Variants in POGLUT3 observed in about 807,000 individuals in gnomAD.
POGLUT3 encodes the protein protein O-glucosyltransferase 3.
POGLUT3 carries 48 observed loss-of-function variants against 54.3 expected under a neutral mutation model. That is an observed-to-expected ratio of 0.88 (90% CI 0.70 to 1.12). The LOEUF is 1.12. Among genes scored for constraint, POGLUT3 ranks in the 50% most tolerant of loss-of-function variants. The pLI, the probability that POGLUT3 is intolerant of heterozygous loss-of-function variation, is 0.00. For synonymous variants in POGLUT3, 218 were observed against 237.4 expected (o/e 0.92, Z 0.75); for missense variants, 629 against 618.7 (o/e 1.02, Z -0.18).
At position 108,474,798 on chromosome 11, in the gene POGLUT3, G is replaced by C. The variant is rs777352252; in HGVS notation, c.*29C>G. On this transcript the variant is annotated 3_prime_UTR_variant, in exon 8 of 8. Transcript: ENST00000323468. ...CAATCTTTCCTTAAAGTGTAGCCGG[G>C]ATACACAGGAGTGTGATTCTGGGCT... 1.2e-6 allele frequency: 2 copies of C among 1,613,100 alleles called. No homozygotes were observed. The highest frequency in any genetic ancestry group is 1.7e-6 in the Non-Finnish European group (2 of 1,179,436).
intron 1 of POGLUT3, chr11:108,491,601 T>G: frequency 5.3e-6 from 1 of 188,656 alleles, no homozygotes; most frequent in Non-Finnish European, 1.1e-5. Context: ...TTGCCCAGGC[T>G]GATCTCAAAC....
chr11:108,490,188 A>C (rs986516486), intron 2 of POGLUT3, among the ~76,000 whole-genome samples: 1 of 152,042 alleles, frequency 6.6e-6, no homozygotes, highest in African/African-American at 2.4e-5. Flanking sequence ...CTAGCCCAGC[A>C]GTTTAAGGTT....
rs755305549 is a variant in POGLUT3, at chr11:108,481,656, C to T, written c.902-280G>A. Among the ~76,000 whole-genome samples, 3 of 152,160 alleles carry T rather than the reference C, an allele frequency of 2.0e-5. No homozygotes were observed. The South Asian group carries it at 6.2e-4, about 32-fold the overall frequency. On this transcript the variant is annotated intron_variant, in intron 4 of 7. Transcript: ENST00000323468. ...CCATTTGTCTGCTAGTGAAAGCTCA[C>T]GCAAGTATTCGTGTATTCTGTTGTA... is the stretch of plus-strand genomic sequence containing the variant.
At chr11:108,476,018 T>A (rs1358050268) in intron 7 of POGLUT3, among the ~76,000 whole-genome samples, 4 of 151,992 alleles carry the variant, frequency 2.6e-5, no homozygotes, top group Non-Finnish European at 5.9e-5. Flanking sequence ...GGTGGTGTAG[T>A]CCCAGCTACT....
rs764000737 is a variant in POGLUT3, at chr11:108,491,102, G to T, written c.268C>A (p.Pro90Thr). Residue 90 changes from proline (P) to threonine (T), a missense_variant, in exon 2 of 8, where the codon CCT becomes ACT. Coordinates refer to ENST00000323468, the MANE Select transcript of POGLUT3 (RefSeq NM_153705.5). ...CCATCATTCCTGTCCAAAGGTTTAG[G>T]GACATGTATCCGGACCAACTCTTTA... ...SPKELVRIHVPKPLDRNDGTF... is the reference protein window; with the variant it reads ...SPKELVRIHVTKPLDRNDGTF... The T allele has an allele frequency of 6.8e-6, 11 of 1,613,900 alleles. No homozygotes were observed.
At chr11:108,481,428 T>C in intron 4 of POGLUT3, 52 bp from the exon 5 acceptor site, 2 of 1,403,826 alleles carry the variant, frequency 1.4e-6, no homozygotes, top group Non-Finnish European at 1.9e-6. Context: ...GACATTTTAA[T>C]ATGGCAAGCA....
rs2093612491 is a variant in POGLUT3 at position 108,491,121 on chromosome 11, C to T, written c.249G>A (p.Glu83=). 6.2e-7 allele frequency: 1 copy of T among 1,614,092 alleles called. No homozygotes were observed. The highest frequency in any genetic ancestry group is 2.2e-5 in the East Asian group (1 of 44,866). The change falls in exon 2 of 8, where the codon GAG becomes GAA. Residue 83 remains glutamate, a synonymous_variant. Coordinates refer to ENST00000323468, the MANE Select transcript of POGLUT3 (RefSeq NM_153705.5). ...GTTTAGGGACATGTATCCGGACCAA[C>T]TCTTTAGGTGAAAGAGATTTGACTA... ...KVVVKSLSPK[E]LVRIHVPKPL... is the part of the protein sequence containing the mutation.
chr11:108,498,348 C>G lies in POGLUT3; in HGVS notation c.19G>C (p.Ala7Pro). The change falls in exon 1 of 8, where the codon GCC (alanine) becomes CCC (proline). Residue 7 changes from alanine to proline, a missense_variant. Ala to Pro is a conservative substitution (Grantham distance 27). Transcript: ENST00000323468. Reference protein sequence around the residue: MRRLPRALLLQLRLALL... With the variant: MRRLPRPLLLQLRLALL... Reference sequence around the variant, plus strand: ...GCGAGGCGCAGCTGCAGCAGCAGGGCCCGCGGGAGGCGGCGCATGGTCGGC... The same window carrying G: ...GCGAGGCGCAGCTGCAGCAGCAGGGGCCGCGGGAGGCGGCGCATGGTCGGC... 1 of 1,331,052 alleles carries G rather than the reference C, an allele frequency of 7.5e-7. No individual in the cohort carries two copies. Among genetic ancestry groups the G allele is most frequent in the Non-Finnish European group, 9.6e-7 (1 of 1,043,860 alleles). 82.5% of individuals were successfully genotyped at this position (1,331,052 alleles called of 1,614,324 possible).
chr11:108,496,311 G>C (rs1034156702), intron 1 of POGLUT3, among the ~76,000 whole-genome samples: 5 of 148,722 alleles, frequency 3.4e-5, no homozygotes, highest in South Asian at 2.1e-4. Context: ...CAAAGACCTT[G>C]TCTCTTAAAA....
rs188614910 is a variant in POGLUT3, at chr11:108,479,714, A to G, written c.1099-219T>C. On this transcript the variant is annotated intron_variant, in intron 5 of 7. Transcript: ENST00000323468. The stretch of plus-strand genomic sequence containing the variant: ...TTTAAGAAATACATTGTTTAAAGGT[A>G]AGGTGCTAAATTTTTGGAAATAGGA... Among the ~76,000 whole-genome samples, 45 of 152,310 alleles carry G rather than the reference A, an allele frequency of 3.0e-4. No individual in the cohort carries two copies. In the East Asian group the frequency reaches 6.4e-3, roughly 22 times the overall value.
intron 7 of POGLUT3, among the ~76,000 whole-genome samples, chr11:108,475,555 C>T (rs1490081093): frequency 6.8e-6 from 1 of 147,126 alleles, no homozygotes; most frequent in East Asian, 2.0e-4. Flanking sequence ...CAGCCTCCAA[C>T]ATCCTAGGCT....
At chr11:108,490,207 C>CT (rs1294486337) in intron 2 of POGLUT3, among the ~76,000 whole-genome samples, 5 of 151,768 alleles carry the variant, frequency 3.3e-5, no homozygotes, top group Admixed American at 2.0e-4. Flanking sequence ...TTGCAGTGAG[C>CT]TTTTTTTTGA....
chr11:108,481,523 A>T, intron 4 of POGLUT3, 147 bp from the exon 5 acceptor site: 1 of 588,478 alleles, frequency 1.7e-6, no homozygotes, highest in Non-Finnish European at 2.7e-6. Context: ...TATTTCAACG[A>T]AAATATGGGA....
At chr11:108,491,936 T>C (rs1177731711) in intron 1 of POGLUT3, among the ~76,000 whole-genome samples, 1 of 152,174 alleles carries the variant, frequency 6.6e-6, no homozygotes, top group African/African-American at 2.4e-5. Context: ...CAAGCTTTCT[T>C]TGTATACCAT....
intron 3 of POGLUT3, among the ~76,000 whole-genome samples, chr11:108,483,793 C>T (rs1426461019): frequency 6.6e-6 from 1 of 152,098 alleles, no homozygotes; most frequent in Non-Finnish European, 1.5e-5. Context: ...CTCAGCCTCC[C>T]AAGTAGCTGA....
At chr11:108,485,323 G>A (rs116379217) in intron 3 of POGLUT3, among the ~76,000 whole-genome samples, 1,706 of 152,182 alleles carry the variant, frequency 0.011, 33 homozygotes, top group African/African-American at 0.039. Flanking sequence ...AGTATTCAGC[G>A]GAACAGAGAA....
intron 5 of POGLUT3, among the ~76,000 whole-genome samples, chr11:108,480,932 A>T (rs2093591134): frequency 6.6e-6 from 1 of 152,172 alleles, no homozygotes; most frequent in South Asian, 2.1e-4. Flanking sequence ...ACATAAATAT[A>T]CCAAAATCCC....
At position 108,479,429 on chromosome 11, in the gene POGLUT3, C is replaced by T. The variant is rs759283361; in HGVS notation, c.1165G>A (p.Asp389Asn). The T allele has an allele frequency of 3.1e-6, 5 of 1,613,370 alleles. No homozygotes were observed. The highest frequency in any genetic ancestry group is 2.2e-5 in the East Asian group (1 of 44,834). ...AYRYPYLMLG[D>N]SLVLKQDSPY... ...GAGTCCTGCTTTAAAACCAGACTGT[C>T]GCCCAGCATGAGATATGGATATCTG... The change falls in exon 6 of 8, where the codon GAC (aspartate) becomes AAC (asparagine). Residue 389 changes from aspartate to asparagine, a missense_variant. Physicochemically the swap from Asp to Asn is conservative, Grantham distance 23. Coordinates refer to ENST00000323468, the MANE Select transcript of POGLUT3 (RefSeq NM_153705.5).
At chr11:108,483,471 G>T (rs1021020812) in intron 3 of POGLUT3, among the ~76,000 whole-genome samples, 1 of 151,916 alleles carries the variant, frequency 6.6e-6, no homozygotes, top group Non-Finnish European at 1.5e-5. Flanking sequence ...CATCATATTG[G>T]GATATAATTA....
Sources: allele counts gnomAD v4.1 joint callset (sites outside exome capture counted in the v4.1 genomes callset), GRCh38; gene constraint gnomAD v4.1.1; transcripts MANE v1.5; gene names NCBI Gene and HGNC (gene_info 2026-07-23, HGNC 2026-07-21).